Variants in SETBP1 observed in about 807,000 individuals in gnomAD.
SETBP1 encodes the protein SET binding protein 1, also known as SET-binding protein.
A neutral mutation model predicts 101.0 loss-of-function variants in SETBP1; 9 were observed. That is an observed-to-expected ratio of 0.09 (90% CI 0.05 to 0.16). The LOEUF is 0.16. Among genes scored for constraint, SETBP1 ranks in the 10% least tolerant of loss-of-function variants. The pLI, the probability that SETBP1 is intolerant of heterozygous loss-of-function variation, is 1.00. For missense variants in SETBP1, 1,858 were observed against 2,033.8 expected, an observed-to-expected ratio of 0.91 and a Z score of 1.66; for synonymous variants, 818 against 788.5, an observed-to-expected ratio of 1.04 and a Z score of -0.63.
At chr18:44,992,060 A>G (rs867586443) in intron 4 of SETBP1, among the ~76,000 whole-genome samples, 1 of 152,318 alleles carries the variant, frequency 6.6e-6, no homozygotes, top group Middle Eastern at 3.4e-3. Flanking sequence ...ACTGAATAAT[A>G]GTGAAAACAC....
intron 2 of SETBP1, among the ~76,000 whole-genome samples, chr18:44,814,163 G>A (rs2071924563): frequency 6.6e-6 from 1 of 152,110 alleles, no homozygotes; most frequent in Non-Finnish European, 1.5e-5. Flanking sequence ...GGGGAAGGTT[G>A]GTACAGAGAA....
At chr18:44,916,103 G>A (rs2070420076) in intron 3 of SETBP1, among the ~76,000 whole-genome samples, 1 of 152,114 alleles carries the variant, frequency 6.6e-6, no homozygotes, top group South Asian at 2.1e-4. Flanking sequence ...GTACGCGCCT[G>A]TAGTCCCAGC....
rs2073953204 is a variant in SETBP1, at chr18:45,065,359, T to A, written c.*1661T>A. ...CATGGTAGATTATAGAAAGAGACAC[T>A]GAGAGAGAGAATTAAATTTTCTAAT... On this transcript the variant is annotated 3_prime_UTR_variant, in exon 6 of 6. Coordinates refer to ENST00000649279, the MANE Select transcript of SETBP1 (RefSeq NM_015559.3). The A allele has an allele frequency of 6.6e-6, 1 of 152,176 alleles. No individual in the cohort carries two copies. Among genetic ancestry groups the A allele is most frequent in the South Asian group, 2.1e-4 (1 of 4,826 alleles). The allele number at this position is 152,176 out of a possible 1,614,324, so 9.4% of individuals were successfully genotyped here. A position where few individuals can be genotyped will look rare whatever the true frequency, so the allele number is the denominator to read the frequency against.
intron 5 of SETBP1, among the ~76,000 whole-genome samples, chr18:45,049,146 A>G (rs958583282): frequency 1.3e-5 from 2 of 152,246 alleles, no homozygotes; most frequent in Non-Finnish European, 2.9e-5. Flanking sequence ...ATTATTCAGC[A>G]ATTGGTTGGT....
intron 4 of SETBP1, among the ~76,000 whole-genome samples, chr18:44,981,800 A>G (rs2145238095): frequency 6.6e-6 from 1 of 152,260 alleles, no homozygotes; most frequent in Middle Eastern, 3.4e-3. Flanking sequence ...AGGCAACCAG[A>G]TTTGATTTTT....
chr18:44,938,442 G>A (rs2071012035), intron 3 of SETBP1, among the ~76,000 whole-genome samples: 1 of 152,224 alleles, frequency 6.6e-6, no homozygotes, highest in African/African-American at 2.4e-5. Flanking sequence ...ATATGAAAAT[G>A]AAGAGCACAA....
At chr18:44,811,373 C>A (rs770740678) in intron 2 of SETBP1, among the ~76,000 whole-genome samples, 1 of 152,230 alleles carries the variant, frequency 6.6e-6, no homozygotes, top group East Asian at 1.9e-4. Flanking sequence ...GTACACACAT[C>A]GTTTGTCATG....
intron 1 of SETBP1, among the ~76,000 whole-genome samples, chr18:44,694,502 G>A (rs907318410): frequency 3.3e-5 from 5 of 152,162 alleles, no homozygotes; most frequent in Non-Finnish European, 5.9e-5. Context: ...ATGCGCCACC[G>A]CACTCCATGG....
chr18:44,722,136 G>A (rs899889681), intron 2 of SETBP1, among the ~76,000 whole-genome samples: 2 of 152,230 alleles, frequency 1.3e-5, no homozygotes, highest in South Asian at 2.1e-4. Flanking sequence ...GGGCATCTGC[G>A]TGGACATGCA....
intron 4 of SETBP1, among the ~76,000 whole-genome samples, chr18:44,994,105 G>A (rs1038010224): frequency 2.0e-5 from 3 of 151,992 alleles, no homozygotes; most frequent in Non-Finnish European, 2.9e-5. Flanking sequence ...ACCAAAAAAG[G>A]AGAATTTGGA....
chr18:44,881,041 A>G (rs1413469292), intron 3 of SETBP1, among the ~76,000 whole-genome samples: 1 of 152,242 alleles, frequency 6.6e-6, no homozygotes, highest in Non-Finnish European at 1.5e-5. Context: ...ACAAAAATTC[A>G]GGTATACAAA....
chr18:44,947,132 C>A (rs2071225346), intron 3 of SETBP1, among the ~76,000 whole-genome samples: 1 of 152,050 alleles, frequency 6.6e-6, no homozygotes, highest in Non-Finnish European at 1.5e-5. Context: ...GCACACAAAT[C>A]AAATGTAAAA....
chr18:44,846,117 C>G (rs1278873025), intron 2 of SETBP1, among the ~76,000 whole-genome samples: 1 of 152,294 alleles, frequency 6.6e-6, no homozygotes, highest in South Asian at 2.1e-4. Flanking sequence ...TGCAGTCTCT[C>G]CTCTCAGAGA....
intron 4 of SETBP1, among the ~76,000 whole-genome samples, chr18:45,037,216 C>T (rs974363935): frequency 1.3e-5 from 2 of 152,064 alleles, no homozygotes; most frequent in Admixed American, 1.3e-4. Context: ...GAATAGGTAA[C>T]CATTTGAAAT....
intron 2 of SETBP1, among the ~76,000 whole-genome samples, chr18:44,801,739 G>A (rs2071612115): frequency 6.6e-6 from 1 of 151,568 alleles, no homozygotes; most frequent in Admixed American, 6.6e-5. Flanking sequence ...AAAGAATGAG[G>A]TGTGCGAAAG....
intron 5 of SETBP1, among the ~76,000 whole-genome samples, chr18:45,054,642 C>T (rs1259362658): frequency 6.6e-6 from 1 of 152,136 alleles, no homozygotes; most frequent in Admixed American, 6.5e-5. Context: ...TCTCTTATTT[C>T]TGAGGTCTCT....
intron 2 of SETBP1, among the ~76,000 whole-genome samples, chr18:44,767,509 T>G (rs544411393): frequency 1.2e-4 from 18 of 152,200 alleles, no homozygotes; most frequent in Non-Finnish European, 2.1e-4. Flanking sequence ...CAAATTCAAC[T>G]CACCAAATTG....
At chr18:44,957,199 A>G (rs1050054247) in intron 4 of SETBP1, among the ~76,000 whole-genome samples, 1 of 152,134 alleles carries the variant, frequency 6.6e-6, no homozygotes, top group Non-Finnish European at 1.5e-5. Context: ...TCCAGGGGTG[A>G]CAATGCATAG....
At chr18:44,878,096 T>G (rs2069450214) in intron 3 of SETBP1, among the ~76,000 whole-genome samples, 1 of 152,190 alleles carries the variant, frequency 6.6e-6, no homozygotes, top group Non-Finnish European at 1.5e-5. Context: ...GAAATCAGTA[T>G]AAGTCATCCC....
Sources: gnomAD v4.1 joint callset for allele counts (sites outside exome capture counted in the v4.1 genomes callset) on GRCh38, gnomAD v4.1.1 for gene constraint, MANE v1.5 for transcripts, NCBI Gene and HGNC (gene_info 2026-07-23, HGNC 2026-07-21) for gene names.